The following MCTP2 variants were observed in gnomAD, a reference collection of about 807,000 sequenced individuals.
MCTP2 encodes the protein multiple C2 and transmembrane domain containing 2.
MCTP2 carries 132 observed loss-of-function variants against 111.6 expected under a neutral mutation model. That is an observed-to-expected ratio of 1.18 (90% CI 1.03 to 1.37). MCTP2 has a LOEUF of 1.37. Ranked by LOEUF, MCTP2 falls within the 40% of genes most tolerant of loss-of-function variation. The probability of loss-of-function intolerance (pLI) is 0.00; values close to 1 mark genes in which losing one functional copy is unlikely to be tolerated. For synonymous variants in MCTP2, 395 were observed against 387.7 expected (o/e 1.02, Z -0.22); for missense variants, 1,183 against 1,067.9 (o/e 1.11, Z -1.50).
Position 94,442,902 on chromosome 15 carries a change from G to A in MCTP2, c.2209-17G>A, listed in dbSNP as rs769777385. 65 of 1,611,464 alleles carry A rather than the reference G, an allele frequency of 4.0e-5. No individual in the cohort carries two copies. Among genetic ancestry groups the A allele is most frequent in the Non-Finnish European group, 5.1e-5 (60 of 1,178,218 alleles). ...TTTCGGTTGATGTTTCTATAAACAC[G>A]TGGGATTTCCTTTCAGGAGAGCACA... On this transcript the variant is annotated splice_polypyrimidine_tract_variant and intron_variant, in intron 18 of 22. Coordinates refer to ENST00000357742, the MANE Select transcript of MCTP2 (RefSeq NM_001385001.1).
chr15:94,307,009 T>A (rs294542), intron 2 of MCTP2, among the ~76,000 whole-genome samples: 68,132 of 151,884 alleles, frequency 0.45, 16,592 homozygotes, highest in East Asian at 0.65. Flanking sequence ...TACCTCAATA[T>A]GTGATGGTGT....
At chr15:94,449,885 C>T (rs1453105820) in intron 19 of MCTP2, among the ~76,000 whole-genome samples, 1 of 152,154 alleles carries the variant, frequency 6.6e-6, no homozygotes, top group Non-Finnish European at 1.5e-5. Context: ...TTATAGAAAA[C>T]CATTAGCCTT....
rs1202870991 is a variant in MCTP2 at position 94,481,325 on chromosome 15, C to G, written c.*2291C>G. 1 of 152,240 alleles carries G rather than the reference C, an allele frequency of 6.6e-6. No homozygotes were observed. The highest frequency in any genetic ancestry group is 1.5e-5 in the Non-Finnish European group (1 of 68,086). The allele number at this position is 152,240 out of a possible 1,614,324, so 9.4% of individuals were successfully genotyped here. On this transcript the variant is annotated 3_prime_UTR_variant, in exon 23 of 23. Coordinates refer to ENST00000357742, the MANE Select transcript of MCTP2 (RefSeq NM_001385001.1). Reference sequence around the variant, plus strand: ...ATCTCCTTCCAGCTTCCTTATTTCCCTTACCAGGACTGGCATTTTCTGGGC... The same window carrying G: ...ATCTCCTTCCAGCTTCCTTATTTCCGTTACCAGGACTGGCATTTTCTGGGC...
chr15:94,257,886 A>G lies in MCTP2; in HGVS notation c.-66+26222A>G, dbSNP rs182464177. ...AGGCGTGAGCCACCGTGCCTGGCCC[A>G]TTTTCTTTTTTAAGATGGAATCATG... On this transcript the variant is annotated intron_variant, in intron 1 of 22. Transcript: ENST00000357742. Among the ~76,000 whole-genome samples the G allele has an allele frequency of 7.4e-3, 965 of 131,256 alleles. 12 individuals are homozygous for G. The highest frequency in any genetic ancestry group is 0.025 in the African/African-American group (856 of 34,466). 86.1% of individuals were successfully genotyped at this position (131,256 alleles called of 152,430 possible). A position where few individuals can be genotyped will look rare whatever the true frequency, so the allele number is the denominator to read the frequency against.
chr15:94,301,618 A>G (rs1029747931), intron 2 of MCTP2, among the ~76,000 whole-genome samples: 1 of 152,354 alleles, frequency 6.6e-6, no homozygotes, highest in Admixed American at 6.5e-5. Context: ...GTTTAATACA[A>G]AAACGATGAT....
rs1168909587 is a variant in MCTP2 at position 94,390,090 on chromosome 15, GTA to G, written c.1788+4587_1788+4588del. ...TATATATATATATATATATATATATGTATATATATATATATATATATATGTAT... is the reference window on the plus strand; with the variant it reads ...TATATATATATATATATATATATATGTATATATATATATATATATATGTAT... On this transcript the variant is annotated intron_variant, in intron 14 of 22. Coordinates refer to ENST00000357742, the MANE Select transcript of MCTP2 (RefSeq NM_001385001.1). Among the ~76,000 whole-genome samples the G allele has an allele frequency of 1.8e-3, 114 of 64,906 alleles. 1 individual carries two copies. Among genetic ancestry groups the G allele is most frequent in the African/African-American group, 3.0e-3 (70 of 23,666 alleles). 42.6% of individuals were successfully genotyped at this position (64,906 alleles called of 152,430 possible).
chr15:94,395,998 T>A (rs1433797541), intron 14 of MCTP2, among the ~76,000 whole-genome samples: 2 of 152,216 alleles, frequency 1.3e-5, no homozygotes, highest in Non-Finnish European at 2.9e-5. Context: ...TCAAGTTAAA[T>A]CTGTTATTAC....
intron 22 of MCTP2, 122 bp downstream of exon 22, chr15:94,476,915 A>G (rs985477515): frequency 1.6e-6 from 1 of 637,134 alleles, no homozygotes; most frequent in Non-Finnish European, 2.8e-6. Flanking sequence ...GAAAATCCTT[A>G]AAGAGGCCTG....
intron 21 of MCTP2, among the ~76,000 whole-genome samples, chr15:94,473,074 GAAA>G: frequency 6.6e-6 from 1 of 151,568 alleles, no homozygotes; most frequent in Admixed American, 6.6e-5. Context: ...TTAATTTTTT[GAAA>G]AAAATGTAAC....
intron 22 of MCTP2, 50 bp from the exon 23 acceptor site, chr15:94,478,916 G>A (rs779775604): frequency 6.4e-7 from 1 of 1,562,884 alleles, no homozygotes; most frequent in African/African-American, 1.4e-5. Context: ...ACACACTGTG[G>A]CGAGCTAGGG....
chr15:94,380,214 A>G (rs1439111084), intron 12 of MCTP2, among the ~76,000 whole-genome samples: 4 of 152,128 alleles, frequency 2.6e-5, no homozygotes, highest in Non-Finnish European at 5.9e-5. Flanking sequence ...TTAAGTGAAT[A>G]TGCATGCTGA....
At chr15:94,334,382 C>G (rs1050300099) in intron 4 of MCTP2, among the ~76,000 whole-genome samples, 1 of 152,186 alleles carries the variant, frequency 6.6e-6, no homozygotes, top group Non-Finnish European at 1.5e-5. Flanking sequence ...ATCCATCTAC[C>G]AGGCATATTA....
chr15:94,385,357 C>T (rs972818396), intron 13 of MCTP2, 66 bp from the exon 14 acceptor site: 1 of 1,077,918 alleles, frequency 9.3e-7, no homozygotes, highest in Admixed American at 1.7e-5. Flanking sequence ...ACAGTGTTTC[C>T]AGATCTTCAT....
chr15:94,311,087 T>C (rs1436954458), intron 2 of MCTP2, among the ~76,000 whole-genome samples: 2 of 151,120 alleles, frequency 1.3e-5, no homozygotes, highest in African/African-American at 2.4e-5. Flanking sequence ...TACAGTGATA[T>C]GATCTTGGCT....
At chr15:94,252,169 G>A (rs2152269149) in intron 1 of MCTP2, among the ~76,000 whole-genome samples, 1 of 152,254 alleles carries the variant, frequency 6.6e-6, no homozygotes, top group Admixed American at 6.5e-5. Context: ...TGATTCTATG[G>A]TTATTTTCTT....
At chr15:94,340,963 T>G in intron 7 of MCTP2, 39 bp downstream of exon 7, 1 of 1,371,160 alleles carries the variant, frequency 7.3e-7, no homozygotes, top group Non-Finnish European at 1.0e-6. Flanking sequence ...CCTCTCATTT[T>G]GTCGTTTTGA....
chr15:94,421,714 AC>A (rs2082637922), intron 17 of MCTP2, among the ~76,000 whole-genome samples: 2 of 152,124 alleles, frequency 1.3e-5, no homozygotes, highest in South Asian at 2.1e-4. Context: ...ACTTTTAAGA[AC>A]CCTTGGGATT....
At chr15:94,238,051 C>T (rs936480999) in intron 1 of MCTP2, among the ~76,000 whole-genome samples, 4 of 152,162 alleles carry the variant, frequency 2.6e-5, no homozygotes, top group Admixed American at 2.0e-4. Context: ...TGTCATGCCT[C>T]TCTAAAATGT....
intron 2 of MCTP2, among the ~76,000 whole-genome samples, chr15:94,303,627 G>A (rs1368103157): frequency 6.6e-6 from 1 of 152,136 alleles, no homozygotes; most frequent in Non-Finnish European, 1.5e-5. Flanking sequence ...GAACAGCATG[G>A]GAAAGAGTTG....
Sources: allele counts gnomAD v4.1 joint callset (sites outside exome capture counted in the v4.1 genomes callset), GRCh38; gene constraint gnomAD v4.1.1; transcripts MANE v1.5; gene names NCBI Gene and HGNC (gene_info 2026-07-23, HGNC 2026-07-21).